HELZ: variants seen among roughly 807,000 people sequenced by gnomAD.
HELZ encodes the protein ATP-dependent RNA helicase with zinc finger domain.
In HELZ, 23 loss-of-function variants were observed where a neutral mutation model predicts 218.2. That is an observed-to-expected ratio of 0.11 (90% CI 0.08 to 0.15). The LOEUF (loss-of-function observed/expected upper bound fraction) is 0.15, where lower values mean the gene tolerates loss of function less well. Among genes scored for constraint, HELZ ranks in the 10% least tolerant of loss-of-function variants. The pLI, the probability that HELZ is intolerant of heterozygous loss-of-function variation, is 1.00. For missense variants in HELZ, 1,813 were observed against 2,353.7 expected (o/e 0.77, Z 4.75); for synonymous variants, 814 against 829.4 (o/e 0.98, Z 0.32).
At chr17:67,199,323 C>T (rs1340690198) in intron 7 of HELZ, among the ~76,000 whole-genome samples, 1 of 151,512 alleles carries the variant, frequency 6.6e-6, no homozygotes, top group South Asian at 2.1e-4. Flanking sequence ...AGCCATTCTC[C>T]TGTCTCAGCC....
chr17:67,124,950 A>C lies in HELZ; in HGVS notation c.3388-936T>G, dbSNP rs534212749. On this transcript the variant is annotated intron_variant, in intron 24 of 32. Coordinates refer to ENST00000358691, the MANE Select transcript of HELZ (RefSeq NM_014877.4). ...TTGAGGAAAAGTAGCACATTGCGCA[A>C]CTTACCTTTAGACACACACAAATTT... is the stretch of plus-strand genomic sequence containing the variant. Among the ~76,000 whole-genome samples the C allele has an allele frequency of 6.3e-4, 96 of 152,112 alleles. No homozygotes were observed. In the South Asian group the frequency reaches 0.019, roughly 30 times the overall value.
At chr17:67,102,175 T>A (rs1039043035) in intron 31 of HELZ, among the ~76,000 whole-genome samples, 4 of 152,134 alleles carry the variant, frequency 2.6e-5, no homozygotes, top group South Asian at 2.1e-4. Flanking sequence ...TGTTACAGAA[T>A]GGGACCAAGA....
At chr17:67,217,949 C>T (rs1450896257) in intron 4 of HELZ, among the ~76,000 whole-genome samples, 3 of 141,838 alleles carry the variant, frequency 2.1e-5, no homozygotes, top group Non-Finnish European at 4.5e-5. Context: ...TTTTTTAAGA[C>T]GGAGTCTCGG....
intron 31 of HELZ, among the ~76,000 whole-genome samples, chr17:67,089,901 T>C (rs1271834149): frequency 1.3e-5 from 2 of 151,816 alleles, no homozygotes; most frequent in Non-Finnish European, 2.9e-5. Flanking sequence ...CAATCCCTAA[T>C]GCCATTTATT....
chr17:67,140,398 G>A (rs1321959156), intron 21 of HELZ, among the ~76,000 whole-genome samples: 2 of 152,122 alleles, frequency 1.3e-5, no homozygotes, highest in African/African-American at 4.8e-5. Flanking sequence ...ATCACACCGT[G>A]GAGCAATTTA....
At chr17:67,147,671 G>T (rs867113631) in intron 20 of HELZ, among the ~76,000 whole-genome samples, 13 of 150,610 alleles carry the variant, frequency 8.6e-5, no homozygotes, top group East Asian at 3.9e-4. Context: ...TGGTAGGAAG[G>T]GGGGGTCTTT....
At position 67,109,269 on chromosome 17, in the gene HELZ, C is replaced by T. The variant is rs1457290825; in HGVS notation, c.4336G>A (p.Glu1446Lys). 1 of 1,614,160 alleles carries T rather than the reference C, an allele frequency of 6.2e-7. No individual in the cohort carries two copies. Residue 1446 changes from glutamate (E) to lysine (K), a missense_variant, in exon 29 of 33, where the codon GAA becomes AAA. Physicochemically the swap from Glu to Lys is moderately conservative, Grantham distance 56 (BLOSUM62 1). This residue lies in a region of HELZ where 938 missense variants were observed against 1,027.5 expected (regional missense o/e 0.91). Transcript: ENST00000358691. ...VAHRPQSPPAEAVIPEQQPPP... is the reference protein window; with the variant it reads ...VAHRPQSPPAKAVIPEQQPPP... ...GGCTGCTGCTCCGGAATTACAGCTTCTGCAGGAGGAGACTGTGGCCGATGA... is the reference window on the plus strand; with the variant it reads ...GGCTGCTGCTCCGGAATTACAGCTTTTGCAGGAGGAGACTGTGGCCGATGA...
At chr17:67,115,160 G>A (rs902957053) in intron 27 of HELZ, among the ~76,000 whole-genome samples, 3 of 151,870 alleles carry the variant, frequency 2.0e-5, no homozygotes, top group Non-Finnish European at 4.4e-5. Context: ...CTATAGTATC[G>A]GAGATGAAGA....
intron 17 of HELZ, among the ~76,000 whole-genome samples, chr17:67,157,023 C>T (rs1036357996): frequency 6.6e-6 from 1 of 152,044 alleles, no homozygotes; most frequent in Non-Finnish European, 1.5e-5. Flanking sequence ...TGTGTGGCAC[C>T]TCCCACACGT....
intron 3 of HELZ, among the ~76,000 whole-genome samples, chr17:67,230,373 G>A (rs547663479): frequency 3.9e-5 from 6 of 152,160 alleles, no homozygotes; most frequent in East Asian, 1.9e-4. Flanking sequence ...CGAGGCAGGC[G>A]GATCACGAGG....
intron 13 of HELZ, among the ~76,000 whole-genome samples, chr17:67,168,600 T>C (rs1240189421): frequency 6.6e-6 from 1 of 152,218 alleles, no homozygotes. Flanking sequence ...TTCAATAATG[T>C]TAATGAATAA....
chr17:67,127,421 C>T (rs1270446705), intron 24 of HELZ, among the ~76,000 whole-genome samples: 1 of 152,162 alleles, frequency 6.6e-6, no homozygotes, highest in East Asian at 1.9e-4. Context: ...TATTATTGCA[C>T]ATTAGGTCCA....
chr17:67,084,415 C>A (rs1296892571), intron 32 of HELZ, among the ~76,000 whole-genome samples: 1 of 152,076 alleles, frequency 6.6e-6, no homozygotes, highest in African/African-American at 2.4e-5. Context: ...GTAATCCCAG[C>A]ACTTTGGGAG....
intron 23 of HELZ, among the ~76,000 whole-genome samples, chr17:67,131,029 T>C (rs1041680353): frequency 6.6e-6 from 1 of 152,120 alleles, no homozygotes; most frequent in Admixed American, 6.5e-5. Flanking sequence ...GGGACTGTAG[T>C]TGTGTGCCAC....
chr17:67,208,043 T>C (rs536690474), intron 5 of HELZ, among the ~76,000 whole-genome samples: 64 of 152,172 alleles, frequency 4.2e-4, no homozygotes, highest in African/African-American at 1.5e-3. Flanking sequence ...AAGAGGACCA[T>C]GGTGAGTGGA....
chr17:67,201,067 A>C (rs769232195), intron 7 of HELZ, 62 bp downstream of exon 7: 1 of 1,239,974 alleles, frequency 8.1e-7, no homozygotes, highest in Non-Finnish European at 1.2e-6. Context: ...ATTTTAATAC[A>C]TAATGCTTAC....
At chr17:67,179,877 C>G (rs75346634) in intron 12 of HELZ, 1 of 152,232 alleles carries the variant, frequency 6.6e-6, no homozygotes, top group South Asian at 2.1e-4. Flanking sequence ...AGATCAGTCT[C>G]CAAAGTACAA....
intron 15 of HELZ, among the ~76,000 whole-genome samples, chr17:67,163,475 T>C (rs970716536): frequency 6.6e-6 from 1 of 152,130 alleles, no homozygotes; most frequent in East Asian, 1.9e-4. Flanking sequence ...CTCGGTTCAC[T>C]GCAAGCTCTG....
intron 3 of HELZ, among the ~76,000 whole-genome samples, chr17:67,221,999 G>A (rs957868386): frequency 4.0e-5 from 6 of 151,870 alleles, no homozygotes; most frequent in South Asian, 2.1e-4. Flanking sequence ...CACCACAACC[G>A]GCTAATTTTT....
Sources: gnomAD v4.1 joint callset for allele counts (sites outside exome capture counted in the v4.1 genomes callset) on GRCh38, gnomAD v4.1.1 for gene constraint, gnomAD v4.1.1 regional missense constraint, MANE v1.5 for transcripts, NCBI Gene and HGNC (gene_info 2026-07-23, HGNC 2026-07-21) for gene names.